Variants in ZFHX3 observed in about 807,000 individuals in gnomAD.
ZFHX3 encodes the protein zinc finger homeobox 3, also known as zinc finger homeobox protein 3.
Under a neutral mutation model 279.1 loss-of-function variants are expected in ZFHX3, and 42 were observed. That is an observed-to-expected ratio of 0.15 (90% CI 0.12 to 0.19). ZFHX3 has a LOEUF of 0.19. Among genes scored for constraint, ZFHX3 ranks in the 10% least tolerant of loss-of-function variants. The pLI is 1.00. For synonymous variants in ZFHX3, 2,293 were observed against 1,957.8 expected, an observed-to-expected ratio of 1.17 and a Z score of -4.52; for missense variants, 4,981 against 4,754.0, an observed-to-expected ratio of 1.05 and a Z score of -1.40.
rs1396826857 is a variant in ZFHX3, at chr16:72,951,099, G to C, written c.2720-134C>G. ...AGATGACATTTCAAGTGTTGCAAAG[G>C]GCTACTGGCTGGAAAACAAGCAAAC... is the stretch of plus-strand genomic sequence containing the variant. On this transcript the variant is annotated intron_variant, in intron 2 of 9. Coordinates refer to ENST00000268489, the MANE Select transcript of ZFHX3 (RefSeq NM_006885.4). 7.9e-6 allele frequency: 10 copies of C among 1,262,738 alleles called. No individual in the cohort carries two copies. The African/African-American group carries it at 1.2e-4, about 15-fold the overall frequency. 78.2% of individuals were successfully genotyped at this position (1,262,738 alleles called of 1,614,324 possible).
chr16:73,558,709 CTTTTTT>C (rs989644068), intron 2 of ZFHX3, among the ~76,000 whole-genome samples: 3 of 90,478 alleles, frequency 3.3e-5, no homozygotes, highest in African/African-American at 4.5e-5. Context: ...GAAAATGACT[CTTTTTT>C]TTTTTTTTTT....
chr16:73,691,531 A>C (rs2053149847), intron 1 of ZFHX3, among the ~76,000 whole-genome samples: 1 of 152,238 alleles, frequency 6.6e-6, no homozygotes, highest in African/African-American at 2.4e-5. Context: ...TCCGTATTCA[A>C]AATAGTTGTA....
chr16:72,880,443 G>C (rs1344921977), intron 4 of ZFHX3, among the ~76,000 whole-genome samples: 6 of 152,044 alleles, frequency 3.9e-5, no homozygotes, highest in Non-Finnish European at 7.4e-5. Flanking sequence ...ATCATACAGA[G>C]ACACACCAGG....
At chr16:72,896,150 T>G (rs142193094) in intron 3 of ZFHX3, among the ~76,000 whole-genome samples, 129 of 152,296 alleles carry the variant, frequency 8.5e-4, no homozygotes, top group African/African-American at 1.5e-3. Flanking sequence ...CTGGATTAAC[T>G]GGAAATTTGG....
intron 5 of ZFHX3, among the ~76,000 whole-genome samples, chr16:73,201,887 C>T (rs2011623248): frequency 1.3e-5 from 2 of 152,180 alleles, no homozygotes; most frequent in Admixed American, 6.5e-5. Flanking sequence ...AGAATTGCTG[C>T]CTGTCCTTCA....
At chr16:73,177,782 T>C (rs769816341) in intron 5 of ZFHX3, among the ~76,000 whole-genome samples, 2 of 152,226 alleles carry the variant, frequency 1.3e-5, no homozygotes, top group Non-Finnish European at 2.9e-5. Flanking sequence ...GGATAGGCCT[T>C]GTTCTCAAGG....
chr16:73,427,807 G>A (rs2017838655), intron 3 of ZFHX3, among the ~76,000 whole-genome samples: 1 of 152,052 alleles, frequency 6.6e-6, no homozygotes, highest in African/African-American at 2.4e-5. Context: ...GCTGGGCGTG[G>A]TGGCGCACGC....
chr16:73,499,245 A>C (rs2019193507), intron 2 of ZFHX3: 2 of 152,158 alleles, frequency 1.3e-5, no homozygotes, highest in South Asian at 4.1e-4. Context: ...CTGCAGATTC[A>C]CCCACCCAAG....
chr16:73,857,323 A>C (rs904631237), intron 1 of ZFHX3, among the ~76,000 whole-genome samples: 2 of 152,208 alleles, frequency 1.3e-5, no homozygotes, highest in Admixed American at 1.3e-4. Flanking sequence ...TTGGAGAATA[A>C]ATGAGTAAAG....
In ZFHX3 at chr16:72,793,470, G is replaced by C. The variant is rs772052022; in HGVS notation, c.9212C>G (p.Thr3071Ser). The change falls in exon 9 of 10, where the codon ACC becomes AGC. Residue 3071 changes from threonine (T) to serine (S), a missense_variant. By Grantham distance (58) the Thr-to-Ser change is moderately conservative. This residue lies in a region of ZFHX3 where 168 missense variants were observed against 249.1 expected (regional missense o/e 0.67). Coordinates refer to ENST00000268489, the MANE Select transcript of ZFHX3 (RefSeq NM_006885.4). The surrounding 1 kb of genome is among the most constrained non-coding windows in gnomAD (Gnocchi z 4.3). ...TTGTTGAGCCATCAACTGACGTACG[G>C]TGGCTGGGTCAAAGTATTCTTTCTC... ...DKEKEYFDPA[T>S]VRQLMAQQEL... 3 of 1,614,194 alleles carry C rather than the reference G, an allele frequency of 1.9e-6. No homozygotes were observed. The highest frequency in any genetic ancestry group is 1.1e-5 in the South Asian group (1 of 91,082).
chr16:73,832,936 G>T (rs1385689473), intron 1 of ZFHX3, among the ~76,000 whole-genome samples: 1 of 152,160 alleles, frequency 6.6e-6, no homozygotes, highest in Non-Finnish European at 1.5e-5. Flanking sequence ...CTATATGACA[G>T]TCAAATTTAG....
intron 1 of ZFHX3, among the ~76,000 whole-genome samples, chr16:73,026,192 C>CAAAA (rs60146795): frequency 4.8e-4 from 23 of 47,478 alleles, no homozygotes; most frequent in East Asian, 1.5e-3. Context: ...ACAAAAAATA[C>CAAAA]AAAAAAAAAA....
chr16:73,369,759 G>A (rs1711530865), intron 3 of ZFHX3, among the ~76,000 whole-genome samples: 2 of 152,142 alleles, frequency 1.3e-5, no homozygotes, highest in African/African-American at 4.8e-5. Flanking sequence ...AGTTCAAGGT[G>A]ATTCTGATTG....
At chr16:72,971,892 T>C (rs1962122082) in intron 1 of ZFHX3, among the ~76,000 whole-genome samples, 1 of 145,260 alleles carries the variant, frequency 6.9e-6, no homozygotes. Flanking sequence ...TTTTTTTTTT[T>C]TTTTTTTTTT....
At chr16:73,796,742 A>T (rs1287833407) in intron 1 of ZFHX3, among the ~76,000 whole-genome samples, 1 of 152,124 alleles carries the variant, frequency 6.6e-6, no homozygotes, top group Non-Finnish European at 1.5e-5. Context: ...CTTCGGGGAG[A>T]GAGTGGGGAC....
At chr16:73,378,794 T>G (rs2016769873) in intron 3 of ZFHX3, among the ~76,000 whole-genome samples, 2 of 152,234 alleles carry the variant, frequency 1.3e-5, no homozygotes, top group South Asian at 2.1e-4. Flanking sequence ...TTGCTCAGTT[T>G]CTTATCTCCC....
intron 3 of ZFHX3, among the ~76,000 whole-genome samples, chr16:73,416,690 G>A (rs1236321901): frequency 6.6e-6 from 1 of 151,954 alleles, no homozygotes; most frequent in Non-Finnish European, 1.5e-5. Flanking sequence ...TGGCTAACAT[G>A]GTGAAACCCC....
intron 4 of ZFHX3, among the ~76,000 whole-genome samples, chr16:73,298,000 C>A (rs2014957256): frequency 6.7e-6 from 1 of 150,042 alleles, no homozygotes; most frequent in African/African-American, 2.5e-5. Flanking sequence ...GCCTGGGCAA[C>A]ATAACCAGAC....
intron 4 of ZFHX3, among the ~76,000 whole-genome samples, chr16:73,292,910 T>C (rs2014810388): frequency 6.6e-6 from 1 of 152,158 alleles, no homozygotes; most frequent in South Asian, 2.1e-4. Flanking sequence ...GACCTACATT[T>C]TGAAGAAGGT....
Sources: allele counts gnomAD v4.1 joint callset (sites outside exome capture counted in the v4.1 genomes callset), GRCh38; gene constraint gnomAD v4.1.1; regional missense constraint gnomAD v4.1.1; non-coding constraint Gnocchi (gnomAD v3.1); transcripts MANE v1.5; gene names NCBI Gene and HGNC (gene_info 2026-07-23, HGNC 2026-07-21).